Variants in DACH1 observed in about 807,000 individuals in gnomAD.
The protein encoded by DACH1 is dachshund homolog 1.
Under a neutral mutation model 54.2 loss-of-function variants are expected in DACH1, and 12 were observed. The ratio of observed to expected loss-of-function variants is 0.22; its 90% confidence interval spans 0.14 to 0.36. DACH1 has a LOEUF of 0.36. Among genes scored for constraint, DACH1 ranks in the 10% least tolerant of loss-of-function variants. DACH1 has a pLI of 1.00. For synonymous variants in DACH1, 386 were observed against 366.2 expected (o/e 1.05, Z -0.62); for missense variants, 805 against 929.8 (o/e 0.87, Z 1.75).
intron 3 of DACH1, among the ~76,000 whole-genome samples, chr13:71,578,332 G>A (rs554484931): frequency 7.2e-5 from 11 of 152,106 alleles, no homozygotes; most frequent in African/African-American, 2.7e-4. Flanking sequence ...TTAGAAAGAC[G>A]TCAACTCCAT....
At chr13:71,622,728 A>G (rs1016633008) in intron 3 of DACH1, among the ~76,000 whole-genome samples, 2 of 151,846 alleles carry the variant, frequency 1.3e-5, no homozygotes, top group Non-Finnish European at 2.9e-5. Flanking sequence ...GATATATCCT[A>G]TATATATGAT....
chr13:71,534,489 T>C (rs1434494852), intron 6 of DACH1, among the ~76,000 whole-genome samples: 1 of 151,922 alleles, frequency 6.6e-6, no homozygotes, highest in East Asian at 1.9e-4. Context: ...ATTGATCATA[T>C]TGAAGTTCTA....
chr13:71,865,945 G>C lies in DACH1; in HGVS notation c.825C>G (p.Leu275=). The C allele has an allele frequency of 6.2e-7, 1 of 1,613,432 alleles. No individual in the cohort carries two copies. The highest frequency in any genetic ancestry group is 8.5e-7 in the Non-Finnish European group (1 of 1,179,678). ...ACCTTGCGTTGGTGCAGTCATTGTA[G>C]AGGGTCTCGAAGTCCTTCCTGGAGA... is the stretch of plus-strand genomic sequence containing the variant. ...KLISRKDFET[L]YNDCTNASSR... The change falls in exon 1 of 11, where the codon CTC becomes CTG. Residue 275 remains leucine (L), a synonymous_variant. Transcript: ENST00000613252.
intron 2 of DACH1, among the ~76,000 whole-genome samples, chr13:71,648,047 A>G (rs1878416019): frequency 1.3e-5 from 2 of 152,246 alleles, no homozygotes; most frequent in Non-Finnish European, 2.9e-5. Context: ...CCAGGAACAG[A>G]AACATGAAAT....
intron 3 of DACH1, among the ~76,000 whole-genome samples, chr13:71,597,681 C>T (rs572054267): frequency 6.6e-6 from 1 of 152,270 alleles, no homozygotes; most frequent in East Asian, 1.9e-4. Context: ...CAGTTCCCTA[C>T]TAGGTCAAAA....
intron 2 of DACH1, among the ~76,000 whole-genome samples, chr13:71,673,239 G>A (rs1880310582): frequency 2.0e-5 from 3 of 152,148 alleles, no homozygotes; most frequent in South Asian, 4.2e-4. Flanking sequence ...ATAGATCATT[G>A]CTCTAAGAGA....
intron 3 of DACH1, chr13:71,573,389 A>AT (rs752802385): frequency 5.6e-6 from 4 of 712,900 alleles, no homozygotes; most frequent in South Asian, 4.5e-5. Context: ...AAAAACTATG[A>AT]TTTTTAATAC....
intron 10 of DACH1, among the ~76,000 whole-genome samples, chr13:71,464,288 C>A (rs1178201068): frequency 6.6e-6 from 1 of 151,550 alleles, no homozygotes; most frequent in East Asian, 1.9e-4. Flanking sequence ...TATGTATTTG[C>A]CATATGATTT....
intron 2 of DACH1, among the ~76,000 whole-genome samples, chr13:71,642,273 C>T (rs905432100): frequency 2.0e-5 from 3 of 152,086 alleles, no homozygotes; most frequent in Non-Finnish European, 2.9e-5. Context: ...GAAAAAGAAC[C>T]AAACTAAAAC....
At chr13:71,494,615 A>G (rs1435098678) in intron 6 of DACH1, among the ~76,000 whole-genome samples, 1 of 152,110 alleles carries the variant, frequency 6.6e-6, no homozygotes, top group Non-Finnish European at 1.5e-5. Flanking sequence ...TAAGTTAAGA[A>G]TTATTTGTTT....
intron 3 of DACH1, among the ~76,000 whole-genome samples, chr13:71,614,971 G>A (rs1440582633): frequency 2.7e-5 from 4 of 149,880 alleles, no homozygotes; most frequent in East Asian, 1.9e-4. Context: ...TGAAGATAAC[G>A]TATAAGTAAG....
intron 2 of DACH1, among the ~76,000 whole-genome samples, chr13:71,638,122 G>A (rs944189694): frequency 1.3e-5 from 2 of 152,118 alleles, no homozygotes; most frequent in African/African-American, 4.8e-5. Flanking sequence ...GTGTTAGTTT[G>A]CTTACATTTA....
chr13:71,453,731 T>G (rs1472847272), intron 10 of DACH1, among the ~76,000 whole-genome samples: 1 of 152,202 alleles, frequency 6.6e-6, no homozygotes, highest in African/African-American at 2.4e-5. Flanking sequence ...TTTAAAGCCT[T>G]ATTTAATATG....
At chr13:71,856,912 T>C (rs573059552) in intron 1 of DACH1, among the ~76,000 whole-genome samples, 1 of 152,032 alleles carries the variant, frequency 6.6e-6, no homozygotes, top group Middle Eastern at 3.4e-3. Flanking sequence ...ACTCATCTCA[T>C]TGATGGCAAA....
chr13:71,592,506 A>T (rs1278344947), intron 3 of DACH1, among the ~76,000 whole-genome samples: 4 of 149,814 alleles, frequency 2.7e-5, no homozygotes, highest in African/African-American at 9.8e-5. Context: ...AAAAAAAAAA[A>T]AAAAAAAAAA....
At chr13:71,857,912 C>T (rs867264208) in intron 1 of DACH1, among the ~76,000 whole-genome samples, 1 of 151,632 alleles carries the variant, frequency 6.6e-6, no homozygotes, top group Non-Finnish European at 1.5e-5. Context: ...TTTGTTCATA[C>T]ATAAACAATA....
At chr13:71,664,733 A>G (rs1457727390) in intron 2 of DACH1, among the ~76,000 whole-genome samples, 1 of 152,082 alleles carries the variant, frequency 6.6e-6, no homozygotes, top group Non-Finnish European at 1.5e-5. Flanking sequence ...TACTTTATAC[A>G]GCATGGTAGG....
intron 1 of DACH1, among the ~76,000 whole-genome samples, chr13:71,829,512 A>T (rs577744357): frequency 2.6e-5 from 4 of 152,116 alleles, no homozygotes; most frequent in Admixed American, 1.3e-4. Flanking sequence ...TTTGCTTTAT[A>T]TACTTATTTC....
At chr13:71,609,047 G>C (rs978044950) in intron 3 of DACH1, among the ~76,000 whole-genome samples, 3 of 152,040 alleles carry the variant, frequency 2.0e-5, no homozygotes, top group African/African-American at 7.2e-5. Flanking sequence ...CATGAAAGGA[G>C]AAAAGTAATA....
Sources: gnomAD v4.1 joint callset for allele counts (sites outside exome capture counted in the v4.1 genomes callset) on GRCh38, gnomAD v4.1.1 for gene constraint, MANE v1.5 for transcripts, NCBI Gene and HGNC (gene_info 2026-07-23, HGNC 2026-07-21) for gene names.